HHLA1: variants seen among roughly 807,000 people sequenced by gnomAD.
HHLA1 encodes HHLA1 neighbor of OC90.
In HHLA1, 72 loss-of-function variants were observed where a neutral mutation model predicts 69.9. The observed-to-expected ratio is 1.03, with a 90% confidence interval of 0.85 to 1.25. The LOEUF (loss-of-function observed/expected upper bound fraction) is 1.25, where lower values mean the gene tolerates loss of function less well. HHLA1 is among the 50% of genes most tolerant of loss of function. HHLA1 has a pLI of 0.00. For synonymous variants in HHLA1, 252 were observed against 233.2 expected, an observed-to-expected ratio of 1.08 and a Z score of -0.73; for missense variants, 685 against 642.2, an observed-to-expected ratio of 1.07 and a Z score of -0.72.
At chr8:132,064,116 G>T in intron 16 of HHLA1, 78 bp from the exon 17 acceptor site, 1 of 934,418 alleles carries the variant, frequency 1.1e-6, no homozygotes, top group Non-Finnish European at 1.5e-6. Context: ...AAACCCTGAT[G>T]TCGCCAACAA....
At chr8:132,070,420 T>C in intron 15 of HHLA1, 1 of 701,058 alleles carries the variant, frequency 1.4e-6, no homozygotes, top group Middle Eastern at 2.3e-4. Flanking sequence ...TATTCTCTCC[T>C]AGCAAATCTC....
At position 132,063,997 on chromosome 8, in the gene HHLA1, A is replaced by G; in HGVS notation, c.1594T>C (p.Ter532ArgextTer9). ...GCCCTAGTGTTATTTTCAAGGCCTC[A>G]CACAGACTTGCAGATATTCTCAAGG... is the stretch of plus-strand genomic sequence containing the variant. ...KCLENICKSV[*>R] The change falls in exon 17 of 17, where the codon TGA becomes CGA. Residue 532 changes from the stop codon to arginine, a stop_lost. Transcript: ENST00000414222. 1 of 1,302,278 alleles carries G rather than the reference A, an allele frequency of 7.7e-7. No homozygotes were observed. Among genetic ancestry groups the G allele is most frequent in the Non-Finnish European group, 1.0e-6 (1 of 986,748 alleles). The allele number at this position is 1,302,278 out of a possible 1,614,324, so 80.7% of individuals were successfully genotyped here.
rs1027514444 is a variant in HHLA1, at chr8:132,079,608, T to A, written c.925+110A>T. The A allele has an allele frequency of 5.0e-6, 6 of 1,206,934 alleles. No homozygotes were observed. The African/African-American group carries it at 6.2e-5, about 12-fold the overall frequency. The allele number at this position is 1,206,934 out of a possible 1,614,324, so 74.8% of individuals were successfully genotyped here. On this transcript the variant is annotated intron_variant, in intron 11 of 16. Coordinates refer to ENST00000414222, the MANE Select transcript of HHLA1 (RefSeq NM_001145095.3). The stretch of plus-strand genomic sequence containing the variant: ...TATTTAAGTAAGCTGAAGCGTAACT[T>A]CAGTTGGTGGAGAAGGGATTAAGGT...
At chr8:132,092,319 TG>T (rs1346488060) in intron 7 of HHLA1, among the ~76,000 whole-genome samples, 2 of 152,126 alleles carry the variant, frequency 1.3e-5, no homozygotes, top group Non-Finnish European at 2.9e-5. Context: ...GGAAATAGGA[TG>T]TAAGAGGGAG....
At chr8:132,106,822 C>T (rs570973826) in intron 1 of HHLA1, among the ~76,000 whole-genome samples, 13 of 152,294 alleles carry the variant, frequency 8.5e-5, no homozygotes, top group African/African-American at 1.2e-4. Context: ...CAGGACTTAG[C>T]GTTCTCTCCA....
intron 4 of HHLA1, 75 bp downstream of exon 4, chr8:132,100,000 A>G (rs1824087266): frequency 2.7e-6 from 3 of 1,093,976 alleles, no homozygotes; most frequent in Non-Finnish European, 4.1e-6. Context: ...TGTGGGAAAG[A>G]ACAGAGGTCT....
chr8:132,111,138 T>G lies in HHLA1; in HGVS notation c.-58A>C, dbSNP rs1824288656. ...GCAGGATAAATTGACTTCAAAGAACTTAAACAGCTAGAAAGATTAACAGCT... is the reference window on the plus strand; with the variant it reads ...GCAGGATAAATTGACTTCAAAGAACGTAAACAGCTAGAAAGATTAACAGCT... On this transcript the variant is annotated 5_prime_UTR_variant, in exon 1 of 17. Transcript: ENST00000414222. The G allele has an allele frequency of 6.7e-6, 1 of 148,862 alleles. No individual in the cohort carries two copies. The highest frequency in any genetic ancestry group is 1.5e-5 in the Non-Finnish European group (1 of 67,752). 9.2% of individuals were successfully genotyped at this position (148,862 alleles called of 1,614,324 possible). A position where few individuals can be genotyped will look rare whatever the true frequency, so the allele number is the denominator to read the frequency against.
In HHLA1 at chr8:132,071,450, A is replaced by G. The variant is rs763529619; in HGVS notation, c.1359T>C (p.Ala453=). The G allele has an allele frequency of 5.2e-6, 8 of 1,551,626 alleles. No individual in the cohort carries two copies. The highest frequency in any genetic ancestry group is 2.0e-5 in the Admixed American group (1 of 51,002). Residue 453 remains alanine (A), a synonymous_variant, in exon 15 of 17, where the codon GCT becomes GCC. Transcript: ENST00000414222. ...GCCTCTGAATAGCCAGGGTGAGAGG[A>G]GCAGCTGCCATAGCTCCCACCTTGA... is the stretch of plus-strand genomic sequence containing the variant. The part of the protein sequence containing the change: ...PLFKVGAMAA[A]PLTLAIQRLN...
At chr8:132,076,580 T>G in intron 12 of HHLA1, 37 bp from the exon 13 acceptor site, 2 of 1,391,236 alleles carry the variant, frequency 1.4e-6, no homozygotes, top group Non-Finnish European at 1.9e-6. Context: ...CCTGCATCTC[T>G]TCTAGGGGGC....
chr8:132,077,744 G>A lies in HHLA1; in HGVS notation c.1153C>T (p.Gln385Ter). ...CTCTTACCCAAGGTAGGGCTGGCCTGGGATGGGCTGCCAGGTGTGGCCATT... is the reference window on the plus strand; with the variant it reads ...CTCTTACCCAAGGTAGGGCTGGCCTAGGATGGGCTGCCAGGTGTGGCCATT... The part of the protein sequence containing the change: ...EIMATPGSPS[Q>*]ASPTLGAFTH... Residue 385 changes from glutamine to a stop codon, truncating the protein, a stop_gained, in exon 12 of 17, where the codon CAG (glutamine) becomes TAG (stop). Coordinates refer to ENST00000414222, the MANE Select transcript of HHLA1 (RefSeq NM_001145095.3). LOFTEE classifies it high-confidence loss of function. The A allele has an allele frequency of 1.3e-6, 2 of 1,551,672 alleles. No individual in the cohort carries two copies. Among genetic ancestry groups the A allele is most frequent in the Non-Finnish European group, 1.7e-6 (2 of 1,146,964 alleles).
rs1284902484 is a variant in HHLA1 at position 132,106,146 on chromosome 8, A to G, written c.-21-860T>C. On this transcript the variant is annotated intron_variant, in intron 1 of 16. Transcript: ENST00000414222. ...TTTAAATACAGGCTGCACAGATACG[A>G]TTTGAAAAGAGGAGAAATTTACCAT... 2.0e-5 allele frequency among the ~76,000 whole-genome samples: 3 copies of G among 152,302 alleles called. No homozygotes were observed. In the East Asian group the frequency reaches 5.8e-4, roughly 29 times the overall value.
chr8:132,100,052 G>A (rs1355124257), intron 4 of HHLA1, 23 bp downstream of exon 4: 42 of 1,545,610 alleles, frequency 2.7e-5, no homozygotes, highest in Non-Finnish European at 3.6e-5. Context: ...ACAACCCAAG[G>A]GATTTGGGGG....
rs572200298 is a variant in HHLA1 at position 132,107,986 on chromosome 8, CA to C, written c.-21-2701del. On this transcript the variant is annotated intron_variant, in intron 1 of 16. Coordinates refer to ENST00000414222, the MANE Select transcript of HHLA1 (RefSeq NM_001145095.3). ...GAGAGAGCCTGGGTTTAAGGTCAGA[CA>C]GATCTTACTTGAATCTTGAGTTGGC... Among the ~76,000 whole-genome samples, 686 of 152,316 alleles carry C rather than the reference CA, an allele frequency of 4.5e-3. 9 individuals are homozygous for C. Among genetic ancestry groups the C allele is most frequent in the African/African-American group, 0.015 (635 of 41,572 alleles).
intron 15 of HHLA1, among the ~76,000 whole-genome samples, chr8:132,067,694 T>C (rs1446719349): frequency 6.6e-6 from 1 of 152,144 alleles, no homozygotes; most frequent in African/African-American, 2.4e-5. Context: ...CAGGAACAAT[T>C]AGATATATTA....
At chr8:132,089,359 A>G (rs77228572) in intron 8 of HHLA1, among the ~76,000 whole-genome samples, 157 bp downstream of exon 8, 3,757 of 152,298 alleles carry the variant, frequency 0.025, 168 homozygotes, top group African/African-American at 0.086. Context: ...TGGTGTGGAA[A>G]CTGGACCACA....
intron 3 of HHLA1, among the ~76,000 whole-genome samples, chr8:132,100,705 C>T (rs1178881289): frequency 6.6e-6 from 1 of 152,218 alleles, no homozygotes; most frequent in Admixed American, 6.5e-5. Context: ...TCTCCAGCTC[C>T]ATGGGGCCTC....
At chr8:132,089,340 T>A (rs952285195) in intron 8 of HHLA1, among the ~76,000 whole-genome samples, 176 bp downstream of exon 8, 4 of 152,206 alleles carry the variant, frequency 2.6e-5, no homozygotes, top group African/African-American at 9.7e-5. Flanking sequence ...TAAATATTGG[T>A]GCATTTACTG....
At chr8:132,096,211 C>T (rs932387701) in intron 5 of HHLA1, among the ~76,000 whole-genome samples, 22 of 152,216 alleles carry the variant, frequency 1.4e-4, no homozygotes, top group African/African-American at 4.8e-4. Context: ...CCTCTCTCAG[C>T]TCTGGCGGCT....
At chr8:132,085,034 A>G (rs190341892) in intron 10 of HHLA1, among the ~76,000 whole-genome samples, 4 of 151,744 alleles carry the variant, frequency 2.6e-5, no homozygotes, top group Non-Finnish European at 5.9e-5. Flanking sequence ...AAAGCAGAGA[A>G]GGGGTAGAGA....
Sources: allele counts gnomAD v4.1 joint callset (sites outside exome capture counted in the v4.1 genomes callset), GRCh38; gene constraint gnomAD v4.1.1; transcripts MANE v1.5; gene names NCBI Gene and HGNC (gene_info 2026-07-23, HGNC 2026-07-21).